STAG2: variants seen among roughly 807,000 people sequenced by gnomAD.
The protein encoded by STAG2 is STAG2 cohesin complex component, also known as cohesin subunit SA-2.
Under a neutral mutation model 108.1 loss-of-function variants are expected in STAG2, and 14 were observed. The observed-to-expected ratio is 0.13, with a 90% CI of 0.09 to 0.20. The LOEUF is 0.20. STAG2 is among the 10% of genes least tolerant of loss of function. The pLI is 1.00. For missense variants in STAG2, 440 were observed against 940.9 expected, an observed-to-expected ratio of 0.47 and a Z score of 6.96; for synonymous variants, 307 against 302.7, an observed-to-expected ratio of 1.01 and a Z score of -0.15.
intron 34 of STAG2, chrX:124,097,803 C>A: frequency 4.1e-6 from 1 of 246,395 alleles, no homozygotes; most frequent in South Asian, 4.0e-5. Context: ...GATGCCAGTT[C>A]CTTTTGATTT....
At chrX:123,996,168 G>A (rs1489024782) in intron 1 of STAG2, among the ~76,000 whole-genome samples, 1 of 112,171 alleles carries the variant, frequency 8.9e-6, no homozygotes, top group Non-Finnish European at 1.9e-5. Context: ...AATGCATATC[G>A]CCTTTGGCCA....
At chrX:124,046,132 TG>T (rs747759603) in intron 8 of STAG2, among the ~76,000 whole-genome samples, 143 of 112,041 alleles carry the variant, frequency 1.3e-3, no homozygotes, top group Non-Finnish European at 2.5e-3. Flanking sequence ...AGGCATTAAT[TG>T]TTATGATAGT....
chrX:124,043,718 C>T (rs1429298995), intron 7 of STAG2, among the ~76,000 whole-genome samples: 2 of 111,420 alleles, frequency 1.8e-5, no homozygotes, highest in African/African-American at 6.5e-5. Context: ...TATATAGATA[C>T]TTTTATTGTT....
chrX:123,990,412 T>C (rs2055399937), intron 1 of STAG2, among the ~76,000 whole-genome samples: 1 of 111,640 alleles, frequency 9.0e-6, no homozygotes, highest in African/African-American at 3.3e-5. Flanking sequence ...GTATGGAGAG[T>C]TACTTAGGTA....
intron 1 of STAG2, among the ~76,000 whole-genome samples, chrX:123,974,410 G>C (rs1368290957): frequency 1.9e-5 from 2 of 104,331 alleles, no homozygotes; most frequent in Non-Finnish European, 3.9e-5. Flanking sequence ...TTTTTGTATA[G>C]AGAAAGGGTT....
intron 7 of STAG2, among the ~76,000 whole-genome samples, chrX:124,042,960 A>T (rs188944422): frequency 1.9e-3 from 197 of 105,600 alleles, no homozygotes; most frequent in Non-Finnish European, 3.1e-3. Context: ...GGTTGCAGTG[A>T]GCCGAGCTCT....
intron 1 of STAG2, among the ~76,000 whole-genome samples, chrX:124,015,208 G>C (rs2056675021): frequency 1.9e-5 from 2 of 106,312 alleles, no homozygotes; most frequent in South Asian, 4.2e-4. Context: ...GGATGGTCTC[G>C]ATCTCTTGAC....
chrX:124,039,595 G>GT (rs2148132919), intron 6 of STAG2, among the ~76,000 whole-genome samples: 1 of 103,451 alleles, frequency 9.7e-6, no homozygotes, highest in East Asian at 3.0e-4. Context: ...GAGTTTGTTT[G>GT]TTTGTTTGTT....
upstream of STAG2, chrX:123,960,639 A>G (rs2053805935): frequency 9.5e-6 from 1 of 104,783 alleles, no homozygotes. Context: ...AAAAAAAAAA[A>G]AAAAGAAAAA....
At chrX:124,027,617 T>C (rs2057149880) in intron 4 of STAG2, among the ~76,000 whole-genome samples, 1 of 111,883 alleles carries the variant, frequency 8.9e-6, no homozygotes, top group Non-Finnish European at 1.9e-5. Context: ...CAAGGATTTA[T>C]TACAATAATA....
chrX:124,052,000 GTATTAAAAAACATGCT>G (rs2148234459), intron 13 of STAG2, among the ~76,000 whole-genome samples: 1 of 112,071 alleles, frequency 8.9e-6, no homozygotes, highest in East Asian at 2.8e-4. Context: ...GCACATCAGT[GTATTAAAAAACATGCT>G]TATTGTATTT....
intron 4 of STAG2, among the ~76,000 whole-genome samples, chrX:124,028,989 A>ATT (rs200063813): frequency 0.029 from 2,341 of 81,869 alleles, 31 homozygotes; most frequent in East Asian, 0.099. Flanking sequence ...TTTTATTTAT[A>ATT]TATATATATA....
upstream of STAG2, chrX:123,961,602 C>T (rs1327877729): frequency 9.2e-6 from 1 of 109,091 alleles, no homozygotes; most frequent in African/African-American, 3.4e-5. Flanking sequence ...ATTTGGGCCT[C>T]GGACCGAGGG....
At chrX:124,061,923 T>C (rs761972527) in intron 17 of STAG2, 49 bp downstream of exon 17, 2 of 927,507 alleles carry the variant, frequency 2.2e-6, no homozygotes, top group East Asian at 6.6e-5. Flanking sequence ...TTTCTCCTTT[T>C]TCAGTATCTT....
chrX:123,999,838 T>A (rs1010461919), intron 1 of STAG2, among the ~76,000 whole-genome samples: 2 of 110,601 alleles, frequency 1.8e-5, no homozygotes, highest in Non-Finnish European at 3.8e-5. Context: ...TGGTCTTGAA[T>A]TCTTGGGCTC....
At chrX:124,013,545 T>C (rs2147934344) in intron 1 of STAG2, among the ~76,000 whole-genome samples, 1 of 112,166 alleles carries the variant, frequency 8.9e-6, no homozygotes, top group Admixed American at 9.5e-5. Flanking sequence ...CCAGATAATG[T>C]CTAGTCAGCT....
At chrX:124,031,238 G>C in intron 5 of STAG2, 113 bp downstream of exon 5, 1 of 770,627 alleles carries the variant, frequency 1.3e-6, no homozygotes, top group Non-Finnish European at 1.7e-6. Flanking sequence ...CTACTTATTA[G>C]AAAAAAGCAA....
chrX:123,980,896 A>G (rs1017753041), intron 1 of STAG2, among the ~76,000 whole-genome samples: 5 of 111,661 alleles, frequency 4.5e-5, no homozygotes, highest in African/African-American at 1.6e-4. Flanking sequence ...GAAAAGGAAA[A>G]CTTTTTTTTT....
chrX:123,995,179 T>C (rs1174986499), intron 1 of STAG2, among the ~76,000 whole-genome samples: 1 of 111,537 alleles, frequency 9.0e-6, no homozygotes, highest in Non-Finnish European at 1.9e-5. Flanking sequence ...AATACAATAA[T>C]ATCCTTTGTA....
Sources: allele counts gnomAD v4.1 joint callset (sites outside exome capture counted in the v4.1 genomes callset), GRCh38; gene constraint gnomAD v4.1.1; transcripts MANE v1.5; gene names NCBI Gene and HGNC (gene_info 2026-07-23, HGNC 2026-07-21).